CD96: variants seen among roughly 807,000 people sequenced by gnomAD.
The protein encoded by CD96 is CD96 molecule.
Under a neutral mutation model 71.3 loss-of-function variants are expected in CD96, and 70 were observed. The ratio of observed to expected loss-of-function variants is 0.98; its 90% CI spans 0.81 to 1.20. The LOEUF (loss-of-function observed/expected upper bound fraction) is 1.20, where lower values mean the gene tolerates loss of function less well. CD96 is among the 50% of genes most tolerant of loss of function. The probability of loss-of-function intolerance (pLI) is 0.00; values close to 1 mark genes in which losing one functional copy is unlikely to be tolerated. For synonymous variants in CD96, 248 were observed against 233.0 expected (o/e 1.06, Z -0.59); for missense variants, 742 against 677.5 (o/e 1.10, Z -1.06).
chr3:111,660,348 G>A (rs1281781030), intron 14 of CD96, among the ~76,000 whole-genome samples: 1 of 152,166 alleles, frequency 6.6e-6, no homozygotes, highest in Non-Finnish European at 1.5e-5. Context: ...ACAAAACACT[G>A]TTGAAAGAAA....
At chr3:111,584,584 G>T (rs976753719) in intron 4 of CD96, among the ~76,000 whole-genome samples, 2 of 152,178 alleles carry the variant, frequency 1.3e-5, no homozygotes, top group Admixed American at 1.3e-4. Context: ...GAATCATGGT[G>T]CGTGGTGAAA....
At chr3:111,543,029 A>G (rs1934187597) in intron 1 of CD96, among the ~76,000 whole-genome samples, 1 of 152,240 alleles carries the variant, frequency 6.6e-6, no homozygotes, top group African/African-American at 2.4e-5. Flanking sequence ...TTGGAATATA[A>G]TGCTGTAGAT....
intron 6 of CD96, among the ~76,000 whole-genome samples, chr3:111,598,701 A>G (rs913553544): frequency 1.3e-5 from 2 of 152,202 alleles, no homozygotes; most frequent in Non-Finnish European, 2.9e-5. Context: ...CCTATGTAAA[A>G]GAGTTGGCTC....
chr3:111,547,602 T>C (rs1246024580), intron 2 of CD96, among the ~76,000 whole-genome samples: 1 of 152,178 alleles, frequency 6.6e-6, no homozygotes, highest in Non-Finnish European at 1.5e-5. Flanking sequence ...GAGGATGATG[T>C]TGCCTTTAAA....
chr3:111,623,287 T>C (rs1938595823), intron 8 of CD96, among the ~76,000 whole-genome samples: 1 of 152,130 alleles, frequency 6.6e-6, no homozygotes, highest in Admixed American at 6.5e-5. Flanking sequence ...GTAACAATTA[T>C]GGAGTATAAA....
chr3:111,605,726 G>A (rs1027960848), intron 7 of CD96, among the ~76,000 whole-genome samples: 1 of 152,150 alleles, frequency 6.6e-6, no homozygotes, highest in Non-Finnish European at 1.5e-5. Flanking sequence ...CATGCATCTA[G>A]CTTAGAAAAA....
chr3:111,569,622 CT>C (rs777970683), intron 3 of CD96, among the ~76,000 whole-genome samples: 3 of 152,174 alleles, frequency 2.0e-5, no homozygotes, highest in Non-Finnish European at 4.4e-5. Flanking sequence ...ACAATGGCAA[CT>C]GGTTTAATAA....
intron 1 of CD96, among the ~76,000 whole-genome samples, chr3:111,542,918 G>A (rs139757554): frequency 0.013 from 1,921 of 152,278 alleles, 23 homozygotes; most frequent in Non-Finnish European, 0.018. Flanking sequence ...GTATTCCACA[G>A]TATGAGAGTA....
chr3:111,555,418 C>T lies in CD96; in HGVS notation c.418+10016C>T, dbSNP rs563250298. ...ATTTCGTGTAAGACAAATCTACTTG[C>T]AATGAATTCTTTCAGATTTTTTCAT... On this transcript the variant is annotated intron_variant, in intron 2 of 13. Coordinates refer to ENST00000352690, the MANE Select transcript of CD96 (RefSeq NM_005816.5). Among the ~76,000 whole-genome samples, 5 of 152,412 alleles carry T rather than the reference C, an allele frequency of 3.3e-5. No individual in the cohort carries two copies. In the East Asian group the frequency reaches 9.6e-4, roughly 29 times the overall value.
At chr3:111,598,964 T>TTTATG (rs1937375578) in intron 6 of CD96, among the ~76,000 whole-genome samples, 1 of 151,950 alleles carries the variant, frequency 6.6e-6, no homozygotes, top group Non-Finnish European at 1.5e-5. Context: ...TTATTTTTAT[T>TTTATG]TTATTTTATT....
chr3:111,593,422 A>T (rs888431765), intron 5 of CD96: 1 of 1,213,058 alleles, frequency 8.2e-7, no homozygotes, highest in Non-Finnish European at 1.1e-6. Context: ...CATACTGTGC[A>T]CTATTTCACA....
In CD96 at chr3:111,624,462, A is replaced by G; in HGVS notation, c.1321+58A>G. The G allele has an allele frequency of 4.2e-6, 4 of 945,626 alleles. No individual in the cohort carries two copies. The South Asian group carries it at 5.1e-5, about 12-fold the overall frequency. 58.6% of individuals were successfully genotyped at this position (945,626 alleles called of 1,614,324 possible). A position where few individuals can be genotyped will look rare whatever the true frequency, so the allele number is the denominator to read the frequency against. On this transcript the variant is annotated intron_variant, in intron 10 of 13. Transcript: ENST00000352690. ...TGGACTTCAGTCATTCATCCGACAG[A>G]TATATTGAACGACATCTATGTGCTT...
downstream of CD96, chr3:111,665,819 G>A (rs1940465718): frequency 1.3e-5 from 2 of 152,176 alleles, no homozygotes; most frequent in African/African-American, 4.8e-5. Context: ...GGCAGAACTG[G>A]GCAGACTCCT....
At chr3:111,624,307 A>G in intron 9 of CD96, 26 bp from the exon 10 acceptor site, 1 of 1,522,704 alleles carries the variant, frequency 6.6e-7, no homozygotes, top group African/African-American at 1.4e-5. Flanking sequence ...AAAAAGCTGG[A>G]TTCTGAAAAT....
chr3:111,571,685 A>T (rs1428724371), intron 3 of CD96, among the ~76,000 whole-genome samples: 1 of 152,208 alleles, frequency 6.6e-6, no homozygotes, highest in Non-Finnish European at 1.5e-5. Flanking sequence ...CCTTTCTTCA[A>T]AGGGAACATG....
At chr3:111,547,217 T>C (rs955773958) in intron 2 of CD96, among the ~76,000 whole-genome samples, 2 of 152,224 alleles carry the variant, frequency 1.3e-5, no homozygotes, top group South Asian at 2.1e-4. Flanking sequence ...ATATAGTTCC[T>C]GCTAAAGGAT....
intron 7 of CD96, among the ~76,000 whole-genome samples, chr3:111,605,478 C>T (rs377095879): frequency 6.6e-6 from 1 of 152,066 alleles, no homozygotes; most frequent in South Asian, 2.1e-4. Context: ...GTAATGACAG[C>T]CCAAATCATA....
At chr3:111,543,608 A>G (rs1934222236) in intron 1 of CD96, among the ~76,000 whole-genome samples, 1 of 152,248 alleles carries the variant, frequency 6.6e-6, no homozygotes, top group African/African-American at 2.4e-5. Flanking sequence ...AGCATAACAT[A>G]GGTAATAGTT....
At chr3:111,604,738 T>C (rs540004091) in intron 7 of CD96, among the ~76,000 whole-genome samples, 1 of 152,340 alleles carries the variant, frequency 6.6e-6, no homozygotes, top group East Asian at 1.9e-4. Flanking sequence ...ACCAATATCT[T>C]CTGTTCCAGG....
Sources: gnomAD v4.1 joint callset for allele counts (sites outside exome capture counted in the v4.1 genomes callset) on GRCh38, gnomAD v4.1.1 for gene constraint, MANE v1.5 for transcripts, NCBI Gene and HGNC (gene_info 2026-07-23, HGNC 2026-07-21) for gene names.